G3BP1: variants seen among roughly 807,000 people sequenced by gnomAD.
The protein encoded by G3BP1 is ras GTPase-activating protein-binding protein 1.
G3BP1 carries 35 observed loss-of-function variants against 58.6 expected under a neutral mutation model. That is an observed-to-expected ratio of 0.60 (90% CI 0.46 to 0.79). The LOEUF is 0.79. Among genes scored for constraint, G3BP1 ranks in the 30% least tolerant of loss-of-function variants. G3BP1 has a pLI of 0.00. For synonymous variants in G3BP1, 191 were observed against 195.4 expected (o/e 0.98, Z 0.19); for missense variants, 523 against 580.8 (o/e 0.90, Z 1.02).
chr5:151,796,937 A>G (rs1762762132), intron 6 of G3BP1, among the ~76,000 whole-genome samples: 1 of 140,238 alleles, frequency 7.1e-6, no homozygotes, highest in Admixed American at 7.1e-5. Flanking sequence ...TTGTATGCTA[A>G]ATGAATTGTA....
Position 151,788,570 on chromosome 5 carries a change from ATATGTGTG to A in G3BP1, c.96-1751_96-1744del, listed in dbSNP as rs1406238938. 7.8e-3 allele frequency among the ~76,000 whole-genome samples: 729 copies of A among 93,186 alleles called. 9 individuals carry two copies. The highest frequency in any genetic ancestry group is 0.029 in the African/African-American group (678 of 23,254). The allele number at this position is 93,186 out of a possible 152,430, so 61.1% of individuals were successfully genotyped here. A position where few individuals can be genotyped will look rare whatever the true frequency, so the allele number is the denominator to read the frequency against. On this transcript the variant is annotated intron_variant, in intron 2 of 11. Coordinates refer to ENST00000356245, the MANE Select transcript of G3BP1 (RefSeq NM_005754.3). ...TGCACTACCATGCCCAGCTAAGTTT[ATATGTGTG>A]TGTGTGTGTGTGTGTGTGTGTGTGT...
intron 2 of G3BP1, 29 bp downstream of exon 2, chr5:151,786,744 A>G (rs766785927): frequency 7.9e-7 from 1 of 1,269,442 alleles, no homozygotes; most frequent in South Asian, 1.2e-5. Flanking sequence ...GCATCATCTA[A>G]TGCTGTCTTT....
intron 1 of G3BP1, among the ~76,000 whole-genome samples, chr5:151,784,680 TAGTG>T (rs564038117): frequency 1.8e-3 from 268 of 152,284 alleles, no homozygotes; most frequent in Middle Eastern, 0.01. Flanking sequence ...TTTTTTTAAA[TAGTG>T]AAGCAGTATA....
chr5:151,780,338 GATATT>G (rs1466373138), intron 1 of G3BP1, among the ~76,000 whole-genome samples: 4 of 152,056 alleles, frequency 2.6e-5, no homozygotes, highest in African/African-American at 9.7e-5. Context: ...TTTATTATAT[GATATT>G]ATATTTTCTT....
intron 7 of G3BP1, 81 bp from the exon 8 acceptor site, chr5:151,799,131 G>C: frequency 1.3e-6 from 1 of 760,234 alleles, no homozygotes; most frequent in Non-Finnish European, 2.4e-6. Context: ...CGTTTGTTCT[G>C]TACAGGAAAT....
intron 11 of G3BP1, among the ~76,000 whole-genome samples, chr5:151,801,682 A>T (rs1157148408): frequency 1.1e-4 from 17 of 152,092 alleles, no homozygotes; most frequent in Admixed American, 1.1e-3. Context: ...CTGTCTCCCA[A>T]CCCCTGGCAG....
intron 11 of G3BP1, among the ~76,000 whole-genome samples, chr5:151,802,667 C>T (rs1026477136): frequency 1.8e-4 from 28 of 152,220 alleles, no homozygotes; most frequent in Non-Finnish European, 1.2e-4. Context: ...GGCACAGTGG[C>T]TCACGCCTGT....
In G3BP1 at chr5:151,775,382, AT is replaced by A. The variant is rs201151815; in HGVS notation, c.-50+3347del. On this transcript the variant is annotated intron_variant, in intron 1 of 11. Transcript: ENST00000356245. ...GCATATTTAGAGAGTGCTTTCACAC[AT>A]CTTTGGTATTACCATACTTTTACTA... Among the ~76,000 whole-genome samples the A allele has an allele frequency of 4.1e-3, 618 of 152,378 alleles. 2 individuals carry two copies. The highest frequency in any genetic ancestry group is 0.014 in the African/African-American group (593 of 41,592).
chr5:151,808,212 G>A lies in G3BP1; in HGVS notation c.*4121G>A, dbSNP rs1480741586. 1.3e-5 allele frequency: 2 copies of A among 152,174 alleles called. No individual in the cohort carries two copies. Among genetic ancestry groups the A allele is most frequent in the Admixed American group, 6.5e-5 (1 of 15,270 alleles). 9.4% of individuals were successfully genotyped at this position (152,174 alleles called of 1,614,324 possible). ...TGTTGAGATTCTGGGGACCATAGGT[G>A]GGCCTGTCAACTCTTAACAGACTAT... is the stretch of plus-strand genomic sequence containing the variant. On this transcript the variant is annotated 3_prime_UTR_variant, in exon 12 of 12. Coordinates refer to ENST00000356245, the MANE Select transcript of G3BP1 (RefSeq NM_005754.3).
rs1489147897 is a variant in G3BP1, at chr5:151,805,823, G to A, written c.*1732G>A. 6.6e-6 allele frequency: 1 copy of A among 152,092 alleles called. No individual in the cohort carries two copies. The highest frequency in any genetic ancestry group is 2.4e-5 in the African/African-American group (1 of 41,382). The allele number at this position is 152,092 out of a possible 1,614,324, so 9.4% of individuals were successfully genotyped here. On this transcript the variant is annotated 3_prime_UTR_variant, in exon 12 of 12. Transcript: ENST00000356245. ...TGTAGCTTATATTAAGCATGTGGTG[G>A]GTGGAAAGAAAAGTTTAGTCTGAGT... is the stretch of plus-strand genomic sequence containing the variant.
intron 7 of G3BP1, among the ~76,000 whole-genome samples, chr5:151,797,648 T>G (rs540247450): frequency 5.9e-5 from 9 of 152,332 alleles, no homozygotes; most frequent in Admixed American, 5.9e-4. Context: ...TTCCCCGAGG[T>G]AACTTGAATG....
At chr5:151,772,596 C>T (rs1027060317) in intron 1 of G3BP1, 6 of 152,320 alleles carry the variant, frequency 3.9e-5, no homozygotes, top group East Asian at 1.9e-4. Flanking sequence ...CTTTCCACGC[C>T]CTCACTGTGT....
At position 151,805,686 on chromosome 5, in the gene G3BP1, A is replaced by G. The variant is rs1184314457; in HGVS notation, c.*1595A>G. ...TTTGAAAATTGGCAGCATCTCCTTT[A>G]CATAAACTTAATGTAACTGAATCAC... On this transcript the variant is annotated 3_prime_UTR_variant, in exon 12 of 12. Transcript: ENST00000356245. The G allele has an allele frequency of 6.6e-6, 1 of 152,204 alleles. No individual in the cohort carries two copies. Among genetic ancestry groups the G allele is most frequent in the Non-Finnish European group, 1.5e-5 (1 of 68,038 alleles). 9.4% of individuals were successfully genotyped at this position (152,204 alleles called of 1,614,324 possible).
In G3BP1 at chr5:151,790,880, T is replaced by TA. The variant is rs1762639750; in HGVS notation, c.178-9_178-8insA. 1.3e-6 allele frequency: 2 copies of TA among 1,492,058 alleles called. No individual in the cohort carries two copies. Among genetic ancestry groups the TA allele is most frequent in the African/African-American group, 2.8e-5 (2 of 71,982 alleles). The allele number at this position is 1,492,058 out of a possible 1,614,324, so 92.4% of individuals were successfully genotyped here. On this transcript the variant is annotated splice_polypyrimidine_tract_variant and intron_variant, in intron 3 of 11. Coordinates refer to ENST00000356245, the MANE Select transcript of G3BP1 (RefSeq NM_005754.3). The stretch of plus-strand genomic sequence containing the variant: ...AGTTGATTATTATTATTATTATTAT[T>TA]TTTTTAAGGAAATCCACAGGAAAGT...
intron 1 of G3BP1, among the ~76,000 whole-genome samples, chr5:151,784,681 A>G (rs1021559798): frequency 6.6e-6 from 1 of 151,654 alleles, no homozygotes. Context: ...TTTTTTAAAT[A>G]GTGAAGCAGT....
At position 151,778,545 on chromosome 5, in the gene G3BP1, G is replaced by A. The variant is rs141288424; in HGVS notation, c.-50+6509G>A. 9.4e-3 allele frequency among the ~76,000 whole-genome samples: 1,436 copies of A among 152,100 alleles called. 20 individuals are homozygous for A. The highest frequency in any genetic ancestry group is 0.031 in the African/African-American group (1,288 of 41,516). On this transcript the variant is annotated intron_variant, in intron 1 of 11. Coordinates refer to ENST00000356245, the MANE Select transcript of G3BP1 (RefSeq NM_005754.3). ...CAACCTCTGCCTCCTGGGTTTAGGT[G>A]ATTCTCCTGTCTCAGCCTCCTGAGT...
rs1762936559 is a variant in G3BP1 at position 151,806,177 on chromosome 5, G to C, written c.*2086G>C. 6.6e-6 allele frequency: 1 copy of C among 152,204 alleles called. No homozygotes were observed. The highest frequency in any genetic ancestry group is 2.1e-4 in the South Asian group (1 of 4,826). 9.4% of individuals were successfully genotyped at this position (152,204 alleles called of 1,614,324 possible). On this transcript the variant is annotated 3_prime_UTR_variant, in exon 12 of 12. Transcript: ENST00000356245. ...ACTGATAGTCCCTATTCCTGTGGGT[G>C]GGTGGAGCTGTGGGATTAGGAAAAC...
chr5:151,798,960 C>CA (rs914494676), intron 7 of G3BP1, among the ~76,000 whole-genome samples: 132 of 146,768 alleles, frequency 9.0e-4, no homozygotes, highest in Middle Eastern at 3.5e-3. Flanking sequence ...GATTCTGTCT[C>CA]AAAAAAAAAA....
rs1299047139 is a variant in G3BP1, at chr5:151,804,284, T to G, written c.*193T>G. On this transcript the variant is annotated 3_prime_UTR_variant, in exon 12 of 12. Coordinates refer to ENST00000356245, the MANE Select transcript of G3BP1 (RefSeq NM_005754.3). ...CTTCCCTTTCCTGACCTTTAGTCTT[T>G]CACTTCCAATTTTGTGGAATGATAT... 2.5e-6 allele frequency: 1 copy of G among 402,472 alleles called. No homozygotes were observed. Among genetic ancestry groups the G allele is most frequent in the African/African-American group, 2.1e-5 (1 of 48,696 alleles). 24.9% of individuals were successfully genotyped at this position (402,472 alleles called of 1,614,324 possible).
Sources: allele counts gnomAD v4.1 joint callset (sites outside exome capture counted in the v4.1 genomes callset), GRCh38; gene constraint gnomAD v4.1.1; transcripts MANE v1.5; gene names NCBI Gene and HGNC (gene_info 2026-07-23, HGNC 2026-07-21).